The following ENG variants were observed in gnomAD, a reference collection of about 807,000 sequenced individuals.
The protein encoded by ENG is endoglin, also known as CD105 antigen.
Under a neutral mutation model 71.0 loss-of-function variants are expected in ENG, and 17 were observed. That is an observed-to-expected ratio of 0.24 (90% CI 0.16 to 0.36). ENG has a LOEUF of 0.36. Ranked by LOEUF, ENG falls within the 10% of genes least tolerant of loss-of-function variation. The pLI, the probability that ENG is intolerant of heterozygous loss-of-function variation, is 1.00. For missense variants in ENG, 749 were observed against 868.3 expected (o/e 0.86, Z 1.73); for synonymous variants, 360 against 366.9 (o/e 0.98, Z 0.21).
chr9:127,830,835 C>T (rs970659065), intron 2 of ENG, among the ~76,000 whole-genome samples: 1 of 152,002 alleles, frequency 6.6e-6, no homozygotes, highest in Non-Finnish European at 1.5e-5. Context: ...TTCCAGCCCA[C>T]ATGAGACAGT....
intron 6 of ENG, 101 bp from the exon 7 acceptor site, chr9:127,825,075 A>C: frequency 7.6e-6 from 12 of 1,583,376 alleles, no homozygotes; most frequent in Non-Finnish European, 9.5e-6. Context: ...CTGTGTCCCC[A>C]CTCCTGCTGC....
chr9:127,839,302 G>C (rs1044372284), intron 2 of ENG, among the ~76,000 whole-genome samples: 1 of 152,158 alleles, frequency 6.6e-6, no homozygotes, highest in African/African-American at 2.4e-5. Context: ...AGTGGCACCT[G>C]GTGAGGGCTG....
chr9:127,819,484 A>C, intron 10 of ENG, 138 bp downstream of exon 10: 1 of 1,139,514 alleles, frequency 8.8e-7, no homozygotes, highest in Non-Finnish European at 1.3e-6. Flanking sequence ...GTCATACAGA[A>C]GGGGAGACCG....
intron 12 of ENG, chr9:127,817,414 C>A (rs1830352362): frequency 3.2e-6 from 2 of 624,956 alleles, no homozygotes; most frequent in African/African-American, 1.8e-5. Flanking sequence ...TGAAATGTTT[C>A]CTGTGAGTTC....
At chr9:127,816,600 T>C (rs1830322385) in intron 13 of ENG, 1 of 240,256 alleles carries the variant, frequency 4.2e-6, no homozygotes, top group African/African-American at 2.2e-5. Flanking sequence ...AGCCCTGCCT[T>C]CTTGGTCCTG....
In ENG at chr9:127,816,969, G is replaced by C. The variant is rs1588573610; in HGVS notation, c.1741+180C>G. 10 of 725,496 alleles carry C rather than the reference G, an allele frequency of 1.4e-5. No individual in the cohort carries two copies. The East Asian group carries it at 2.7e-4, about 20-fold the overall frequency. 44.9% of individuals were successfully genotyped at this position (725,496 alleles called of 1,614,324 possible). A position where few individuals can be genotyped will look rare whatever the true frequency, so the allele number is the denominator to read the frequency against. On this transcript the variant is annotated intron_variant, in intron 13 of 14. Coordinates refer to ENST00000373203, the MANE Select transcript of ENG (RefSeq NM_001114753.3). ...CTCTCCATCTGCAAAGTGCAGCTCT[G>C]GCCCCTGCTCTAGGCTGCTATGGCT...
chr9:127,816,820 T>C (rs1289516566), intron 13 of ENG: 17 of 444,092 alleles, frequency 3.8e-5, no homozygotes, highest in Non-Finnish European at 6.7e-5. Context: ...TCAAAGGGCC[T>C]CTGTCTCACC....
intron 3 of ENG, 26 bp from the exon 4 acceptor site, chr9:127,826,698 A>T (rs1588583707): frequency 6.2e-7 from 1 of 1,612,446 alleles, no homozygotes; most frequent in Non-Finnish European, 8.5e-7. Context: ...GAGGCTCAGC[A>T]CGCTGTTCCT....
rs958856568 is a variant in ENG, at chr9:127,846,899, T to G, written c.68-3654A>C. The stretch of plus-strand genomic sequence containing the variant: ...CCCCTCTCCACCCTCGCCACCCATG[T>G]GCACACAGCACCTCCCAGATTTCCA... On this transcript the variant is annotated intron_variant, in intron 1 of 14. Coordinates refer to ENST00000373203, the MANE Select transcript of ENG (RefSeq NM_001114753.3). This position sits in a 1 kb window ranked among gnomAD's most constrained non-coding sequence, Gnocchi z 5.5. 27 of 985,504 alleles carry G rather than the reference T, an allele frequency of 2.7e-5. No homozygotes were observed. The African/African-American group carries it at 4.5e-4, about 17-fold the overall frequency. 61.0% of individuals were successfully genotyped at this position (985,504 alleles called of 1,614,324 possible).
intron 2 of ENG, 27 bp downstream of exon 2, chr9:127,843,067 C>T (rs774201885): frequency 6.2e-7 from 1 of 1,613,528 alleles, no homozygotes; most frequent in Admixed American, 1.7e-5. Flanking sequence ...TCTGAGCCCC[C>T]ACCCGACCCT....
In ENG at chr9:127,825,086, G is replaced by A. The variant is rs1343493943; in HGVS notation, c.817-112C>T. The A allele has an allele frequency of 1.3e-5, 21 of 1,585,688 alleles. No homozygotes were observed. In the East Asian group the frequency reaches 2.2e-4, roughly 17 times the overall value. ...CCTGCTGTGTCCCCACTCCTGCTGC[G>A]TCTTCTGCCTGGCCCCTTCCCTCAC... On this transcript the variant is annotated intron_variant, in intron 6 of 14. Coordinates refer to ENST00000373203, the MANE Select transcript of ENG (RefSeq NM_001114753.3).
At chr9:127,853,624 G>A (rs1829084013) in intron 1 of ENG, among the ~76,000 whole-genome samples, 1 of 152,220 alleles carries the variant, frequency 6.6e-6, no homozygotes, top group East Asian at 1.9e-4. Flanking sequence ...GGCAGGGCAG[G>A]GCCCTGCAGC....
chr9:127,853,606 A>AGGAG (rs1829083746), intron 1 of ENG, among the ~76,000 whole-genome samples: 1 of 152,206 alleles, frequency 6.6e-6, no homozygotes, highest in African/African-American at 2.4e-5. Context: ...TCAGGGAGGT[A>AGGAG]GGAGGGAGGC....
At chr9:127,848,482 C>A (rs374092673) in intron 1 of ENG, among the ~76,000 whole-genome samples, 1 of 152,150 alleles carries the variant, frequency 6.6e-6, no homozygotes, top group Non-Finnish European at 1.5e-5. Flanking sequence ...AAGAGTCTTG[C>A]TATGTTGCCC....
At chr9:127,852,694 AG>A (rs1829058862) in intron 1 of ENG, among the ~76,000 whole-genome samples, 1 of 152,094 alleles carries the variant, frequency 6.6e-6, no homozygotes, top group Admixed American at 6.6e-5. Context: ...GAGACTCTGG[AG>A]AACCAACCGC....
chr9:127,824,244 G>A (rs574405265), intron 8 of ENG, 60 bp downstream of exon 8: 1 of 1,612,956 alleles, frequency 6.2e-7, no homozygotes, highest in East Asian at 2.2e-5. Flanking sequence ...AGAGTCTTGG[G>A]CTAGGGGAGG....
chr9:127,818,581 C>T, intron 11 of ENG, 135 bp downstream of exon 11: 1 of 1,368,480 alleles, frequency 7.3e-7, no homozygotes. Flanking sequence ...CTCTGTCTCT[C>T]CCTCTCCCGT....
chr9:127,827,890 G>C (rs1048609500), intron 3 of ENG, among the ~76,000 whole-genome samples: 1 of 151,840 alleles, frequency 6.6e-6, no homozygotes, highest in Admixed American at 6.6e-5. Flanking sequence ...GTGGTGGCAG[G>C]TGCCTGTAAT....
chr9:127,820,274 A>G (rs1830439445), intron 8 of ENG, among the ~76,000 whole-genome samples: 2 of 151,116 alleles, frequency 1.3e-5, no homozygotes, highest in Non-Finnish European at 3.0e-5. Flanking sequence ...GCTCACTACA[A>G]CCTCCACCTC....
Sources: gnomAD v4.1 joint callset for allele counts (sites outside exome capture counted in the v4.1 genomes callset) on GRCh38, gnomAD v4.1.1 for gene constraint, Gnocchi (gnomAD v3.1) non-coding constraint, MANE v1.5 for transcripts, NCBI Gene and HGNC (gene_info 2026-07-23, HGNC 2026-07-21) for gene names.